Variants in METTL25 observed in about 807,000 individuals in gnomAD.
METTL25 encodes the protein methyltransferase like 25.
METTL25 carries 64 observed loss-of-function variants against 71.6 expected under a neutral mutation model. That is an observed-to-expected ratio of 0.89 (90% CI 0.73 to 1.10). METTL25 has a LOEUF of 1.10. Ranked by LOEUF, METTL25 falls within the 50% of genes least tolerant of loss-of-function variation. The pLI is 0.00. For missense variants in METTL25, 807 were observed against 707.0 expected, an observed-to-expected ratio of 1.14 and a Z score of -1.60; for synonymous variants, 287 against 250.3, an observed-to-expected ratio of 1.15 and a Z score of -1.38.
chr12:82,439,205 T>C (rs1013714311), intron 8 of METTL25: 1 of 152,004 alleles, frequency 6.6e-6, no homozygotes, highest in Non-Finnish European at 1.5e-5. Context: ...AGAACAGATA[T>C]TGATCACAAA....
intron 5 of METTL25, among the ~76,000 whole-genome samples, chr12:82,421,186 A>G (rs559695022): frequency 6.6e-6 from 1 of 152,264 alleles, no homozygotes; most frequent in South Asian, 2.1e-4. Context: ...ATTTTAAAAG[A>G]TCATCATGGT....
At chr12:82,361,193 T>G (rs913494023) in intron 1 of METTL25, among the ~76,000 whole-genome samples, 4 of 152,158 alleles carry the variant, frequency 2.6e-5, no homozygotes, top group African/African-American at 9.7e-5. Flanking sequence ...ACATGAAAGT[T>G]CTCCTAGTCC....
intron 8 of METTL25, among the ~76,000 whole-genome samples, chr12:82,446,079 A>T (rs540470926): frequency 1.2e-4 from 18 of 152,250 alleles, no homozygotes; most frequent in African/African-American, 3.9e-4. Flanking sequence ...AAAGAGACAA[A>T]GAAGGTCATT....
intron 9 of METTL25, among the ~76,000 whole-genome samples, chr12:82,468,182 C>G (rs1269022970): frequency 1.3e-5 from 2 of 152,026 alleles, no homozygotes; most frequent in Non-Finnish European, 2.9e-5. Flanking sequence ...AAGTACTGTT[C>G]CAGTCCACTA....
At chr12:82,449,716 C>G (rs531236794) in intron 8 of METTL25, among the ~76,000 whole-genome samples, 2 of 152,124 alleles carry the variant, frequency 1.3e-5, no homozygotes. Flanking sequence ...TCCTCTGCTA[C>G]CTTCTGAGCT....
Position 82,436,034 on chromosome 12 carries a change from G to C in METTL25, c.1404+1310G>C, listed in dbSNP as rs1889891169. On this transcript the variant is annotated intron_variant, in intron 7 of 11. Transcript: ENST00000248306. The stretch of plus-strand genomic sequence containing the variant: ...AGTTCAAGCTCTTAACTACTATACT[G>C]CATATCAACTTAATGGTTTTCTAGA... 2.0e-5 allele frequency among the ~76,000 whole-genome samples: 3 copies of C among 151,312 alleles called. No individual in the cohort carries two copies. In the Admixed American group the frequency reaches 2.0e-4, roughly 10 times the overall value.
At chr12:82,467,356 C>T (rs927153474) in intron 9 of METTL25, among the ~76,000 whole-genome samples, 6 of 151,924 alleles carry the variant, frequency 3.9e-5, no homozygotes, top group Admixed American at 2.6e-4. Flanking sequence ...TTGTGTATCA[C>T]CCTTACCAGT....
intron 5 of METTL25, among the ~76,000 whole-genome samples, chr12:82,425,343 T>C (rs1235115202): frequency 6.6e-6 from 1 of 152,050 alleles, no homozygotes; most frequent in Admixed American, 6.6e-5. Context: ...TTTTTGAGCC[T>C]TTGTTCAAAG....
intron 9 of METTL25, chr12:82,474,630 C>G (rs896526380): frequency 6.6e-6 from 1 of 152,094 alleles, no homozygotes; most frequent in Non-Finnish European, 1.5e-5. Flanking sequence ...GTTTTTTTTA[C>G]ACACAGGTTT....
intron 8 of METTL25, among the ~76,000 whole-genome samples, chr12:82,454,980 T>C (rs1419082707): frequency 2.0e-5 from 3 of 151,900 alleles, no homozygotes; most frequent in African/African-American, 7.2e-5. Context: ...GCTATTGATA[T>C]CCTCTTTTAA....
chr12:82,446,558 C>T (rs569040554), intron 8 of METTL25, among the ~76,000 whole-genome samples: 1 of 151,830 alleles, frequency 6.6e-6, no homozygotes, highest in African/African-American at 2.4e-5. Context: ...AACAACATGA[C>T]CCTGAATGAC....
chr12:82,436,196 G>C (rs961607281), intron 7 of METTL25, among the ~76,000 whole-genome samples: 6 of 151,380 alleles, frequency 4.0e-5, no homozygotes, highest in Non-Finnish European at 7.4e-5. Context: ...GCATGAGAAT[G>C]ATATAGAGCA....
intron 5 of METTL25, among the ~76,000 whole-genome samples, chr12:82,423,157 A>G (rs6539673): frequency 0.92 from 140,171 of 152,180 alleles, 64,914 homozygotes; most frequent in East Asian, 1. Flanking sequence ...CAAGGCTACA[A>G]TAACCAAAAC....
At chr12:82,403,919 G>A (rs1291149387) in intron 5 of METTL25, among the ~76,000 whole-genome samples, 4 of 151,968 alleles carry the variant, frequency 2.6e-5, no homozygotes, top group Non-Finnish European at 5.9e-5. Context: ...GTTTTAGATC[G>A]GGAATTTTTA....
intron 1 of METTL25, among the ~76,000 whole-genome samples, chr12:82,368,896 G>A (rs939253714): frequency 2.0e-5 from 3 of 152,170 alleles, no homozygotes; most frequent in African/African-American, 7.2e-5. Flanking sequence ...TGATTATGAA[G>A]ATGGGTGAAA....
intron 1 of METTL25, 98 bp from the exon 2 acceptor site, chr12:82,386,705 T>G: frequency 1.1e-6 from 1 of 946,960 alleles, no homozygotes; most frequent in Non-Finnish European, 1.6e-6. Flanking sequence ...AATATTGGCA[T>G]TTGTTATACA....
At chr12:82,415,353 A>G (rs1887885294) in intron 5 of METTL25, among the ~76,000 whole-genome samples, 1 of 152,162 alleles carries the variant, frequency 6.6e-6, no homozygotes, top group South Asian at 2.1e-4. Context: ...AAATACTAGT[A>G]CATTGATCAT....
intron 5 of METTL25, among the ~76,000 whole-genome samples, chr12:82,428,138 A>AC (rs372199539): frequency 5.6e-4 from 85 of 151,380 alleles, no homozygotes; most frequent in African/African-American, 1.9e-3. Context: ...GAAAGAACAT[A>AC]CCCCCCCATC....
chr12:82,456,450 A>G (rs909008891), intron 8 of METTL25, among the ~76,000 whole-genome samples: 11 of 151,952 alleles, frequency 7.2e-5, no homozygotes, highest in African/African-American at 1.4e-4. Context: ...TGAAAGACCA[A>G]TAGTTCCTTT....
Sources: gnomAD v4.1 joint callset for allele counts (sites outside exome capture counted in the v4.1 genomes callset) on GRCh38, gnomAD v4.1.1 for gene constraint, MANE v1.5 for transcripts, NCBI Gene and HGNC (gene_info 2026-07-23, HGNC 2026-07-21) for gene names.